The following ASIC2 variants were observed in gnomAD, a reference collection of about 807,000 sequenced individuals.
ASIC2 encodes the protein acid sensing ion channel subunit 2.
In ASIC2, 25 loss-of-function variants were observed where a neutral mutation model predicts 57.3. That is an observed-to-expected ratio of 0.44 (90% CI 0.32 to 0.61). ASIC2 has a LOEUF of 0.61. Ranked by LOEUF, ASIC2 falls within the 20% of genes least tolerant of loss-of-function variation. ASIC2 has a pLI of 0.06. For synonymous variants in ASIC2, 319 were observed against 307.5 expected (o/e 1.04, Z -0.39); for missense variants, 641 against 738.1 (o/e 0.87, Z 1.52).
intron 1 of ASIC2, among the ~76,000 whole-genome samples, chr17:33,945,492 A>G (rs1904347453): frequency 6.6e-6 from 1 of 152,194 alleles, no homozygotes; most frequent in Non-Finnish European, 1.5e-5. Context: ...AGAGAAATAA[A>G]AATGGGAGAA....
At chr17:34,139,380 T>C (rs1032662346) in intron 1 of ASIC2, among the ~76,000 whole-genome samples, 1 of 152,224 alleles carries the variant, frequency 6.6e-6, no homozygotes, top group Non-Finnish European at 1.5e-5. Flanking sequence ...TGTGGGATCA[T>C]TGTATAGGAA....
At chr17:33,855,900 C>A (rs1913914618) in intron 1 of ASIC2, among the ~76,000 whole-genome samples, 1 of 151,954 alleles carries the variant, frequency 6.6e-6, no homozygotes, top group South Asian at 2.1e-4. Context: ...CAATCCAACC[C>A]AATAGTTGTT....
chr17:33,438,615 T>C (rs1433486006), intron 1 of ASIC2, among the ~76,000 whole-genome samples: 1 of 152,176 alleles, frequency 6.6e-6, no homozygotes, highest in Non-Finnish European at 1.5e-5. Context: ...TTTTGATACC[T>C]TGGGGTTTCT....
chr17:33,379,151 G>A (rs1014907647), intron 1 of ASIC2, among the ~76,000 whole-genome samples: 2 of 152,166 alleles, frequency 1.3e-5, no homozygotes, highest in East Asian at 3.8e-4. Flanking sequence ...GCTTTCACGG[G>A]TAGTGATGGT....
intron 1 of ASIC2, among the ~76,000 whole-genome samples, chr17:33,882,490 G>T (rs1209656428): frequency 5.3e-5 from 8 of 152,216 alleles, no homozygotes; most frequent in Non-Finnish European, 1.2e-4. Context: ...CATTTATGCA[G>T]CCAACAGACA....
intron 1 of ASIC2, among the ~76,000 whole-genome samples, chr17:34,045,006 G>A (rs1908285819): frequency 6.6e-6 from 1 of 152,200 alleles, no homozygotes; most frequent in Non-Finnish European, 1.5e-5. Context: ...CAGGAAGTTG[G>A]ATGAGGAAAA....
intron 1 of ASIC2, among the ~76,000 whole-genome samples, chr17:34,086,684 G>A (rs1487552324): frequency 6.6e-6 from 1 of 152,148 alleles, no homozygotes; most frequent in Admixed American, 6.5e-5. Context: ...AAGTCTCTTT[G>A]TAGGTCACTC....
At chr17:33,076,004 G>T (rs556501857) in intron 3 of ASIC2, among the ~76,000 whole-genome samples, 7 of 152,108 alleles carry the variant, frequency 4.6e-5, no homozygotes, top group Non-Finnish European at 1.0e-4. Context: ...CAAATTAATT[G>T]AATCTCATCT....
chr17:33,643,054 T>C (rs1305665254), intron 1 of ASIC2, among the ~76,000 whole-genome samples: 1 of 152,228 alleles, frequency 6.6e-6, no homozygotes, highest in African/African-American at 2.4e-5. Context: ...GTTTTCAAAC[T>C]CTGTTGGCCA....
chr17:33,280,159 T>G (rs1904882063), intron 1 of ASIC2, among the ~76,000 whole-genome samples: 1 of 152,152 alleles, frequency 6.6e-6, no homozygotes, highest in Non-Finnish European at 1.5e-5. Flanking sequence ...TAGGAGACAT[T>G]GCTCTTGCTG....
At chr17:33,510,740 G>A (rs1297494049) in intron 1 of ASIC2, among the ~76,000 whole-genome samples, 1 of 152,112 alleles carries the variant, frequency 6.6e-6, no homozygotes, top group Non-Finnish European at 1.5e-5. Context: ...CTTTGGACTG[G>A]TGGCCACTGC....
chr17:33,171,783 A>G (rs71377474), intron 1 of ASIC2, among the ~76,000 whole-genome samples: 9,276 of 152,102 alleles, frequency 0.061, 382 homozygotes, highest in Non-Finnish European at 0.098. Flanking sequence ...CTCCAACCTC[A>G]TCTCACTCTG....
At chr17:33,797,267 C>T (rs1911945147) in intron 1 of ASIC2, among the ~76,000 whole-genome samples, 1 of 152,148 alleles carries the variant, frequency 6.6e-6, no homozygotes, top group African/African-American at 2.4e-5. Context: ...GGAGTGGACC[C>T]TCCAGGCAGA....
chr17:33,510,184 C>A (rs1914388932), intron 1 of ASIC2, among the ~76,000 whole-genome samples: 1 of 152,128 alleles, frequency 6.6e-6, no homozygotes, highest in South Asian at 2.1e-4. Flanking sequence ...TGGGTTGGGC[C>A]AGAGCAGAGA....
At chr17:33,251,857 C>T (rs543861968) in intron 1 of ASIC2, among the ~76,000 whole-genome samples, 1 of 152,280 alleles carries the variant, frequency 6.6e-6, no homozygotes, top group South Asian at 2.1e-4. Flanking sequence ...CAAAAAATCC[C>T]TTTGATTTCA....
intron 1 of ASIC2, among the ~76,000 whole-genome samples, chr17:33,994,810 C>T (rs1446860942): frequency 6.6e-6 from 1 of 152,082 alleles, no homozygotes; most frequent in African/African-American, 2.4e-5. Flanking sequence ...GATGATTCTA[C>T]ACCTACTAGG....
At chr17:33,430,582 G>T (rs1409653808) in intron 1 of ASIC2, among the ~76,000 whole-genome samples, 1 of 152,118 alleles carries the variant, frequency 6.6e-6, no homozygotes, top group African/African-American at 2.4e-5. Context: ...GCAATGCAGG[G>T]TGCTGGGGCC....
chr17:33,049,891 A>T (rs2091968643), intron 3 of ASIC2, among the ~76,000 whole-genome samples: 1 of 152,148 alleles, frequency 6.6e-6, no homozygotes, highest in Non-Finnish European at 1.5e-5. Context: ...AATTATGGCA[A>T]GGTGGGTGGG....
intron 1 of ASIC2, among the ~76,000 whole-genome samples, chr17:33,490,962 A>G (rs1347032056): frequency 1.3e-5 from 2 of 152,006 alleles, no homozygotes; most frequent in Non-Finnish European, 2.9e-5. Flanking sequence ...TGAATTCAGA[A>G]TACCTTTGTT....
Sources: gnomAD v4.1 joint callset for allele counts (sites outside exome capture counted in the v4.1 genomes callset) on GRCh38, gnomAD v4.1.1 for gene constraint, MANE v1.5 for transcripts, NCBI Gene and HGNC (gene_info 2026-07-23, HGNC 2026-07-21) for gene names.